GABRB1: variants seen among roughly 807,000 people sequenced by gnomAD.
GABRB1 encodes the protein gamma-aminobutyric acid type A receptor subunit beta1, also known as gamma-aminobutyric acid receptor subunit beta-1.
In GABRB1, 17 loss-of-function variants were observed where a neutral mutation model predicts 51.6. The observed-to-expected ratio is 0.33, with a 90% CI of 0.23 to 0.49. GABRB1 has a LOEUF of 0.49. Ranked by LOEUF, GABRB1 falls within the 20% of genes least tolerant of loss-of-function variation. The pLI, the probability that GABRB1 is intolerant of heterozygous loss-of-function variation, is 0.99. For synonymous variants in GABRB1, 247 were observed against 218.9 expected, an observed-to-expected ratio of 1.13 and a Z score of -1.14; for missense variants, 410 against 600.6, an observed-to-expected ratio of 0.68 and a Z score of 3.32.
intron 4 of GABRB1, among the ~76,000 whole-genome samples, chr4:47,204,610 G>A (rs1577999303): frequency 1.3e-5 from 2 of 152,240 alleles, no homozygotes; most frequent in Non-Finnish European, 1.5e-5. Flanking sequence ...AACCCAGTGG[G>A]AGGTGATTGA....
intron 1 of GABRB1, chr4:46,994,444 TG>T (rs200569374): frequency 1.2e-4 from 10 of 81,466 alleles, no homozygotes; most frequent in Admixed American, 6.5e-4. Context: ...GGAGAGAGAG[TG>T]GGGGGGGAAA....
At chr4:47,115,776 A>T (rs1345952688) in intron 3 of GABRB1, among the ~76,000 whole-genome samples, 3 of 152,164 alleles carry the variant, frequency 2.0e-5, no homozygotes, top group Non-Finnish European at 4.4e-5. Context: ...AAAACAGTTA[A>T]CAGTAATTAG....
chr4:47,396,451 T>C (rs1440476307), intron 5 of GABRB1, among the ~76,000 whole-genome samples: 1 of 152,198 alleles, frequency 6.6e-6, no homozygotes, highest in African/African-American at 2.4e-5. Context: ...TTCAAATATT[T>C]TGCTATTACA....
At chr4:47,380,511 G>A (rs1578135116) in intron 5 of GABRB1, among the ~76,000 whole-genome samples, 1 of 152,178 alleles carries the variant, frequency 6.6e-6, no homozygotes, top group East Asian at 1.9e-4. Context: ...TAGCACTATG[G>A]GATGTGGGTG....
chr4:47,412,975 G>A (rs1013830307), intron 8 of GABRB1, among the ~76,000 whole-genome samples: 1 of 152,164 alleles, frequency 6.6e-6, no homozygotes, highest in African/African-American at 2.4e-5. Context: ...GCGCCATGTT[G>A]CCTGCTTCTC....
Position 47,420,380 on chromosome 4 carries a change from G to C in GABRB1, c.1081-5294G>C, listed in dbSNP as rs562181156. On this transcript the variant is annotated intron_variant, in intron 8 of 8. Coordinates refer to ENST00000295454, the MANE Select transcript of GABRB1 (RefSeq NM_000812.4). Reference sequence around the variant, plus strand: ...ACTTGGAGTGGGAATTCTCATACTTGAGGGCACTGTGAGGAGTGGGGAATA... The same window carrying C: ...ACTTGGAGTGGGAATTCTCATACTTCAGGGCACTGTGAGGAGTGGGGAATA... Among the ~76,000 whole-genome samples, 21 of 152,262 alleles carry C rather than the reference G, an allele frequency of 1.4e-4. No homozygotes were observed. The South Asian group carries it at 4.4e-3, about 32-fold the overall frequency.
chr4:47,365,550 C>G (rs1560353313), intron 5 of GABRB1, among the ~76,000 whole-genome samples: 1 of 152,084 alleles, frequency 6.6e-6, no homozygotes, highest in Non-Finnish European at 1.5e-5. Context: ...CCCGCTATAC[C>G]CCTTCTCTTG....
chr4:47,409,421 A>C (rs1272224038), intron 8 of GABRB1, among the ~76,000 whole-genome samples: 1 of 152,214 alleles, frequency 6.6e-6, no homozygotes, highest in Admixed American at 6.5e-5. Context: ...AATCTTCCCC[A>C]GGAGTTTGGC....
chr4:47,409,641 T>C (rs1196350314), intron 8 of GABRB1, among the ~76,000 whole-genome samples: 3 of 152,202 alleles, frequency 2.0e-5, no homozygotes, highest in East Asian at 3.8e-4. Flanking sequence ...AAAACAGAAA[T>C]GCCTGTTCCC....
At chr4:47,169,837 G>T (rs545586648) in intron 4 of GABRB1, among the ~76,000 whole-genome samples, 33 of 151,894 alleles carry the variant, frequency 2.2e-4, no homozygotes, top group Non-Finnish European at 4.3e-4. Flanking sequence ...TCTCACTCCA[G>T]AGTCTACACT....
At chr4:47,336,167 C>A (rs1725690296) in intron 5 of GABRB1, among the ~76,000 whole-genome samples, 1 of 152,090 alleles carries the variant, frequency 6.6e-6, no homozygotes, top group African/African-American at 2.4e-5. Context: ...GTGGAGATAT[C>A]AAGTGAAAGT....
At chr4:47,311,466 C>T (rs1486505934) in intron 4 of GABRB1, among the ~76,000 whole-genome samples, 1 of 133,456 alleles carries the variant, frequency 7.5e-6, no homozygotes, top group Non-Finnish European at 1.6e-5. Flanking sequence ...TCTTAGTGGG[C>T]CCAATGTAAT....
chr4:47,294,460 G>A (rs181179520), intron 4 of GABRB1, among the ~76,000 whole-genome samples: 22 of 152,352 alleles, frequency 1.4e-4, no homozygotes, highest in African/African-American at 3.6e-4. Context: ...ATTATAACCC[G>A]CACGTGGCTC....
Position 47,259,420 on chromosome 4 carries a change from G to A in GABRB1, c.462-60707G>A, listed in dbSNP as rs185152301. On this transcript the variant is annotated intron_variant, in intron 4 of 8. Transcript: ENST00000295454. ...GTTTTCTGTAGTATCTATAAGCTCT[G>A]TTTGTATGTTAAAAGTCAATAATGT... is the stretch of plus-strand genomic sequence containing the variant. Among the ~76,000 whole-genome samples, 81 of 152,230 alleles carry A rather than the reference G, an allele frequency of 5.3e-4. 1 individual carries two copies. The highest frequency in any genetic ancestry group is 1.9e-3 in the African/African-American group (79 of 41,542).
chr4:47,128,617 A>C (rs1190296754), intron 3 of GABRB1, among the ~76,000 whole-genome samples: 2 of 152,036 alleles, frequency 1.3e-5, no homozygotes, highest in Non-Finnish European at 2.9e-5. Flanking sequence ...AAATCATATC[A>C]TGTAGCCAAT....
chr4:47,135,712 T>C (rs1244367334), intron 3 of GABRB1, among the ~76,000 whole-genome samples: 2 of 152,132 alleles, frequency 1.3e-5, no homozygotes, highest in East Asian at 3.9e-4. Context: ...CAATCCACTT[T>C]CAGCACTGCT....
intron 4 of GABRB1, among the ~76,000 whole-genome samples, chr4:47,162,221 T>A (rs1717987708): frequency 6.6e-6 from 1 of 152,028 alleles, no homozygotes; most frequent in Non-Finnish European, 1.5e-5. Flanking sequence ...AATCCAAGAT[T>A]GGTGGTTAAT....
intron 3 of GABRB1, among the ~76,000 whole-genome samples, chr4:47,064,737 T>TTTAAC (rs1727000555): frequency 6.6e-6 from 1 of 152,158 alleles, no homozygotes; most frequent in Admixed American, 6.5e-5. Flanking sequence ...GCTTATTTGC[T>TTTAAC]TTAACTGCTA....
intron 4 of GABRB1, among the ~76,000 whole-genome samples, chr4:47,297,490 ATAAAC>A (rs1476426021): frequency 2.6e-5 from 4 of 152,158 alleles, no homozygotes; most frequent in Non-Finnish European, 5.9e-5. Flanking sequence ...CTCTACACAA[ATAAAC>A]TAGAGAATCT....
Sources: allele counts gnomAD v4.1 joint callset (sites outside exome capture counted in the v4.1 genomes callset), GRCh38; gene constraint gnomAD v4.1.1; transcripts MANE v1.5; gene names NCBI Gene and HGNC (gene_info 2026-07-23, HGNC 2026-07-21).